ZNF462: variants seen among roughly 807,000 people sequenced by gnomAD.
ZNF462 encodes the protein zinc finger PBX1-interacting protein.
Under a neutral mutation model 201.9 loss-of-function variants are expected in ZNF462, and 10 were observed. That is an observed-to-expected ratio of 0.05 (90% CI 0.03 to 0.08). ZNF462 has a LOEUF of 0.08. ZNF462 is among the 10% of genes least tolerant of loss of function. ZNF462 has a pLI of 1.00. For synonymous variants in ZNF462, 1,227 were observed against 1,193.3 expected (o/e 1.03, Z -0.58); for missense variants, 2,523 against 3,168.3 (o/e 0.80, Z 4.89).
chr9:106,928,392 C>G lies in ZNF462; in HGVS notation c.4480C>G (p.Pro1494Ala). Residue 1494 changes from proline to alanine, a missense_variant, in exon 3 of 13, where the codon CCT becomes GCT. Around this residue, in one of 15 missense-constraint regions of ZNF462, gnomAD observed 200 missense variants for 281.3 expected, o/e 0.71. Coordinates refer to ENST00000277225, the MANE Select transcript of ZNF462 (RefSeq NM_021224.6). The surrounding 1 kb of genome is among the most constrained non-coding windows in gnomAD (Gnocchi z 9.3). ...GLLTHYGKKH[P>A]GMKVKAADFA... Reference sequence around the variant, plus strand: ...TCTCACTCATTATGGGAAGAAGCACCCTGGCATGAAAGTGAAGGCTGCTGA... The same window carrying G: ...TCTCACTCATTATGGGAAGAAGCACGCTGGCATGAAAGTGAAGGCTGCTGA... 1 of 1,614,124 alleles carries G rather than the reference C, an allele frequency of 6.2e-7. No homozygotes were observed. Among genetic ancestry groups the G allele is most frequent in the Non-Finnish European group, 8.5e-7 (1 of 1,180,034 alleles).
At position 107,013,381 on chromosome 9, in the gene ZNF462, GTTTAA is replaced by G. The variant is rs1322848933; in HGVS notation, c.*2356_*2360del. On this transcript the variant is annotated 3_prime_UTR_variant, in exon 13 of 13. Transcript: ENST00000277225. ...AGAATTTACAACATTTTTTGTTGTT[GTTTAA>G]TTTATACAGAGGACATTTTTTTCAG... 6.6e-6 allele frequency: 1 copy of G among 152,036 alleles called. No homozygotes were observed. Among genetic ancestry groups the G allele is most frequent in the African/African-American group, 2.4e-5 (1 of 41,416 alleles). The allele number at this position is 152,036 out of a possible 1,614,324, so 9.4% of individuals were successfully genotyped here.
intron 10 of ZNF462, among the ~76,000 whole-genome samples, chr9:106,989,361 A>T (rs1387633569): frequency 2.6e-5 from 4 of 152,064 alleles, no homozygotes; most frequent in Non-Finnish European, 4.4e-5. Context: ...TGTACGTTAA[A>T]CTATCCCTGC....
rs3814537 is a variant in ZNF462 at position 106,935,404 on chromosome 9, C to T, written c.6117-99C>T. 38 of 968,228 alleles carry T rather than the reference C, an allele frequency of 3.9e-5. No homozygotes were observed. The highest frequency in any genetic ancestry group is 1.7e-4 in the East Asian group (7 of 40,670). The allele number at this position is 968,228 out of a possible 1,614,324, so 60.0% of individuals were successfully genotyped here. ...GGAAAGTAAACAAAAGGACTTTGAA[C>T]GACCTAGAAGTAGGATTCCTGGAAA... is the stretch of plus-strand genomic sequence containing the variant. On this transcript the variant is annotated intron_variant, in intron 5 of 12. Transcript: ENST00000277225. The surrounding 1 kb of genome is among the most constrained non-coding windows in gnomAD (Gnocchi z 4.1).
chr9:106,909,633 A>G (rs1829458314), intron 1 of ZNF462, among the ~76,000 whole-genome samples: 1 of 152,172 alleles, frequency 6.6e-6, no homozygotes, highest in Admixed American at 6.5e-5. Flanking sequence ...GGAATTGAAT[A>G]CTTCGGTATT....
rs1326554373 is a variant in ZNF462, at chr9:106,880,485, C to T, written c.-31+17130C>T. Among the ~76,000 whole-genome samples, 1 of 152,166 alleles carries T rather than the reference C, an allele frequency of 6.6e-6. No homozygotes were observed. The highest frequency in any genetic ancestry group is 2.4e-5 in the African/African-American group (1 of 41,432). ...GAGAAGTCCAAGGCTCCATTTCATC[C>T]CGTGTAAAACACTCATCTAAAATTA... On this transcript the variant is annotated intron_variant, in intron 1 of 12. Coordinates refer to ENST00000277225, the MANE Select transcript of ZNF462 (RefSeq NM_021224.6). The surrounding 1 kb of genome is among the most constrained non-coding windows in gnomAD (Gnocchi z 4.1).
intron 7 of ZNF462, among the ~76,000 whole-genome samples, chr9:106,943,004 C>G (rs894546145): frequency 4.0e-5 from 6 of 151,308 alleles, no homozygotes; most frequent in African/African-American, 1.2e-4. Flanking sequence ...AAAAATCAGA[C>G]CAGGTGCAAA....
At chr9:106,893,768 T>C (rs1022671932) in intron 1 of ZNF462, among the ~76,000 whole-genome samples, 9 of 152,328 alleles carry the variant, frequency 5.9e-5, no homozygotes, top group Middle Eastern at 3.4e-3. Flanking sequence ...GTAATTTTAT[T>C]GTTATTTCTA....
intron 7 of ZNF462, among the ~76,000 whole-genome samples, chr9:106,956,781 C>T (rs1831594182): frequency 6.6e-6 from 1 of 152,184 alleles, no homozygotes; most frequent in African/African-American, 2.4e-5. Context: ...AGCTTCTTTT[C>T]TGAAACCTTA....
intron 1 of ZNF462, among the ~76,000 whole-genome samples, chr9:106,922,698 A>G (rs961671670): frequency 6.6e-6 from 1 of 152,186 alleles, no homozygotes; most frequent in African/African-American, 2.4e-5. Context: ...ATTGGTAGGT[A>G]GTAAAACAGC....
At position 106,926,249 on chromosome 9, in the gene ZNF462, C is replaced by T. The variant is rs773431462; in HGVS notation, c.2337C>T (p.His779=). ...QKEPNFRNIT[H]DYNATNGAEI... ...AGCCCAACTTCAGAAACATCACCCA[C>T]GATTACAATGCCACCAATGGGGCTG... Residue 779 remains histidine, a synonymous_variant, in exon 3 of 13, where the codon CAC becomes CAT. Coordinates refer to ENST00000277225, the MANE Select transcript of ZNF462 (RefSeq NM_021224.6). This position sits in a 1 kb window ranked among gnomAD's most constrained non-coding sequence, Gnocchi z 7.9. The T allele has an allele frequency of 1.7e-5, 27 of 1,614,072 alleles. No individual in the cohort carries two copies. In the African/African-American group the frequency reaches 2.4e-4, roughly 14 times the overall value.
intron 1 of ZNF462, among the ~76,000 whole-genome samples, chr9:106,912,003 T>C (rs187525547): frequency 1.4e-3 from 215 of 152,338 alleles, no homozygotes; most frequent in African/African-American, 5.0e-3. Context: ...GTATCATTAG[T>C]CTGAGTCATT....
rs111450825 is a variant in ZNF462, at chr9:106,964,008, C to CGTGTGTGT, written c.6428-7970_6428-7963dup. On this transcript the variant is annotated intron_variant, in intron 7 of 12. Coordinates refer to ENST00000277225, the MANE Select transcript of ZNF462 (RefSeq NM_021224.6). ...TTCTTTTTTAAGGCTAAATAATATTCGTGTGTGTGTGTGTGTGTGTGTGTG... is the reference window on the plus strand; with the variant it reads ...TTCTTTTTTAAGGCTAAATAATATTCGTGTGTGTGTGTGTGTGTGTGTGTGTGTGTGTG... Among the ~76,000 whole-genome samples the CGTGTGTGT allele has an allele frequency of 6.0e-3, 883 of 146,736 alleles. 4 individuals carry two copies. Among genetic ancestry groups the CGTGTGTGT allele is most frequent in the Middle Eastern group, 0.028 (8 of 286 alleles).
At chr9:106,983,361 AACCCC>A (rs1456526847) in intron 9 of ZNF462, among the ~76,000 whole-genome samples, 1 of 152,014 alleles carries the variant, frequency 6.6e-6, no homozygotes. Context: ...TCTCCTGCGC[AACCCC>A]ACCTCCCCCG....
In ZNF462 at chr9:106,883,946, G is replaced by A. The variant is rs1274418785; in HGVS notation, c.-31+20591G>A. 6.6e-6 allele frequency among the ~76,000 whole-genome samples: 1 copy of A among 152,194 alleles called. No homozygotes were observed. The highest frequency in any genetic ancestry group is 2.4e-5 in the African/African-American group (1 of 41,442). Reference sequence around the variant, plus strand: ...TATTTGGGTGGCAATAGAGGAAGCTGTTATGCTGTCTTCATTGCTCATAAA... The same window carrying A: ...TATTTGGGTGGCAATAGAGGAAGCTATTATGCTGTCTTCATTGCTCATAAA... On this transcript the variant is annotated intron_variant, in intron 1 of 12. Coordinates refer to ENST00000277225, the MANE Select transcript of ZNF462 (RefSeq NM_021224.6). This position sits in a 1 kb window ranked among gnomAD's most constrained non-coding sequence, Gnocchi z 4.9.
At position 106,927,984 on chromosome 9, in the gene ZNF462, C is replaced by T. The variant is rs1830269433; in HGVS notation, c.4072C>T (p.Pro1358Ser). 6.2e-7 allele frequency: 1 copy of T among 1,614,038 alleles called. No individual in the cohort carries two copies. The highest frequency in any genetic ancestry group is 1.7e-5 in the Admixed American group (1 of 60,000). The change falls in exon 3 of 13, where the codon CCC becomes TCC. Residue 1358 changes from proline to serine, a missense_variant. Coordinates refer to ENST00000277225, the MANE Select transcript of ZNF462 (RefSeq NM_021224.6). ...KLWAGPDPSP[P>S]SLTMPAEAKT... ...GTGGGCTGGGCCAGACCCATCCCCTCCCTCTCTCACAATGCCAGCCGAAGC... is the reference window on the plus strand; with the variant it reads ...GTGGGCTGGGCCAGACCCATCCCCTTCCTCTCTCACAATGCCAGCCGAAGC...
intron 1 of ZNF462, among the ~76,000 whole-genome samples, chr9:106,875,045 A>G (rs1252307917): frequency 6.6e-6 from 1 of 152,186 alleles, no homozygotes; most frequent in Non-Finnish European, 1.5e-5. Flanking sequence ...CCATTTCTAG[A>G]CATCAACTAC....
Position 106,945,478 on chromosome 9 carries a change from C to G in ZNF462, c.6427+6371C>G, listed in dbSNP as rs570833859. On this transcript the variant is annotated intron_variant, in intron 7 of 12. Transcript: ENST00000277225. ...CTTCCACACAGGTTCCAATTGCAAT[C>G]AGATTAAAAGAAAAAATGAGGTGGT... Among the ~76,000 whole-genome samples the G allele has an allele frequency of 3.3e-5, 5 of 152,086 alleles. No homozygotes were observed. The South Asian group carries it at 1.0e-3, about 32-fold the overall frequency.
Position 106,935,657 on chromosome 9 carries a change from C to A in ZNF462, c.6235+36C>A. The A allele has an allele frequency of 6.5e-7, 1 of 1,549,206 alleles. No individual in the cohort carries two copies. Among genetic ancestry groups the A allele is most frequent in the Non-Finnish European group, 8.9e-7 (1 of 1,121,656 alleles). ...CATTGATGATGCACAAGTTCTTTAG[C>A]ACTCTCTGAGTTTGAAACCTGATGA... On this transcript the variant is annotated intron_variant, in intron 6 of 12. Transcript: ENST00000277225. The surrounding 1 kb of genome is among the most constrained non-coding windows in gnomAD (Gnocchi z 4.1).
chr9:106,972,341 TC>T lies in ZNF462; in HGVS notation c.6695+72del. On this transcript the variant is annotated intron_variant, in intron 8 of 12. Coordinates refer to ENST00000277225, the MANE Select transcript of ZNF462 (RefSeq NM_021224.6). The surrounding 1 kb of genome is among the most constrained non-coding windows in gnomAD (Gnocchi z 4.8). ...CCTGCTCCACCCCTCACTGCAGGCT[TC>T]CCTTACACTTTCCTACTTGGAGCTT... is the stretch of plus-strand genomic sequence containing the variant. The T allele has an allele frequency of 6.5e-7, 1 of 1,547,694 alleles. No homozygotes were observed. The highest frequency in any genetic ancestry group is 1.3e-5 in the South Asian group (1 of 79,166).
Sources: gnomAD v4.1 joint callset for allele counts (sites outside exome capture counted in the v4.1 genomes callset) on GRCh38, gnomAD v4.1.1 for gene constraint, gnomAD v4.1.1 regional missense constraint, Gnocchi (gnomAD v3.1) non-coding constraint, MANE v1.5 for transcripts, NCBI Gene and HGNC (gene_info 2026-07-23, HGNC 2026-07-21) for gene names.